The following PSMC4 variants were observed in gnomAD, a reference collection of about 807,000 sequenced individuals.
PSMC4 encodes proteasome 26S subunit, ATPase 4, also known as 26S proteasome regulatory subunit 6B.
A neutral mutation model predicts 48.4 loss-of-function variants in PSMC4; 13 were observed. The observed-to-expected ratio is 0.27, with a 90% CI of 0.18 to 0.43. The LOEUF (loss-of-function observed/expected upper bound fraction) is 0.43, where lower values mean the gene tolerates loss of function less well. PSMC4 is among the 20% of genes least tolerant of loss of function. The pLI, the probability that PSMC4 is intolerant of heterozygous loss-of-function variation, is 1.00. For synonymous variants in PSMC4, 202 were observed against 212.3 expected (o/e 0.95, Z 0.42); for missense variants, 262 against 555.9 (o/e 0.47, Z 5.32).
intron 6 of PSMC4, among the ~76,000 whole-genome samples, chr19:39,978,872 G>C (rs1188101216): frequency 6.6e-6 from 1 of 152,036 alleles, no homozygotes; most frequent in Admixed American, 6.6e-5. Flanking sequence ...TAAAAAGCTA[G>C]GTGTGGGGAC....
intron 6 of PSMC4, 195 bp from the exon 7 acceptor site, chr19:39,979,622 C>T (rs1268578607): frequency 2.4e-6 from 1 of 424,044 alleles, no homozygotes; most frequent in East Asian, 3.6e-5. Context: ...CACTGGGTCA[C>T]TGTGGGGTAC....
rs768646990 is a variant in PSMC4, at chr19:39,974,644, G to A, written c.579+11G>A. The A allele has an allele frequency of 2.5e-6, 4 of 1,613,596 alleles. No homozygotes were observed. Among genetic ancestry groups the A allele is most frequent in the African/African-American group, 2.7e-5 (2 of 75,044 alleles). The stretch of plus-strand genomic sequence containing the variant: ...GAGCTCTACAAGCAGGTGAGGCGGT[G>A]CAGGTGGCAGGGAAGGGAGAGGCCC... On this transcript the variant is annotated intron_variant, in intron 5 of 10. Transcript: ENST00000157812. This position sits in a 1 kb window ranked among gnomAD's most constrained non-coding sequence, Gnocchi z 5.5.
At chr19:39,972,683 A>G (rs1252131221) in intron 3 of PSMC4, 128 bp downstream of exon 3, 12 of 633,186 alleles carry the variant, frequency 1.9e-5, no homozygotes, top group Non-Finnish European at 3.2e-5. Context: ...ACTGATCGAA[A>G]GGTAGAAATA....
rs1971113974 is a variant in PSMC4, at chr19:39,972,292, T to G, written c.135+48T>G. ...ACCTTGCACAGGACCTGACATCTCATACTCTTCCCCACTTTCCACCACTCT... is the reference window on the plus strand; with the variant it reads ...ACCTTGCACAGGACCTGACATCTCAGACTCTTCCCCACTTTCCACCACTCT... On this transcript the variant is annotated intron_variant, in intron 2 of 10. Transcript: ENST00000157812. 3 of 1,610,314 alleles carry G rather than the reference T, an allele frequency of 1.9e-6. No homozygotes were observed. In the East Asian group the frequency reaches 6.7e-5, roughly 36 times the overall value.
intron 6 of PSMC4, 141 bp from the exon 7 acceptor site, chr19:39,979,676 T>G: frequency 1.2e-6 from 1 of 803,450 alleles, no homozygotes; most frequent in South Asian, 4.1e-5. Context: ...GGCTCACCCT[T>G]GGGCATGAGG....
At chr19:39,972,631 C>T in intron 3 of PSMC4, 76 bp downstream of exon 3, 5 of 1,363,566 alleles carry the variant, frequency 3.7e-6, no homozygotes, top group Non-Finnish European at 5.0e-6. Flanking sequence ...CAGCAGCAAA[C>T]AAGGCAGGGC....
Position 39,980,864 on chromosome 19 carries a change from T to C in PSMC4, c.1143+147T>C. The C allele has an allele frequency of 1.2e-6, 1 of 811,934 alleles. No homozygotes were observed. The highest frequency in any genetic ancestry group is 2.1e-5 in the Admixed American group (1 of 48,220). The allele number at this position is 811,934 out of a possible 1,614,324, so 50.3% of individuals were successfully genotyped here. Reference sequence around the variant, plus strand: ...TTCCTCTACCATCACTAGGGGTGGATAGTACAGGGGTAGTGTTTTTGTGTT... The same window carrying C: ...TTCCTCTACCATCACTAGGGGTGGACAGTACAGGGGTAGTGTTTTTGTGTT... On this transcript the variant is annotated intron_variant, in intron 10 of 10. Coordinates refer to ENST00000157812, the MANE Select transcript of PSMC4 (RefSeq NM_006503.4). The surrounding 1 kb of genome is among the most constrained non-coding windows in gnomAD (Gnocchi z 4.8).
rs1309890291 is a variant in PSMC4, at chr19:39,976,573, A to T, written c.673+1745A>T. 4.2e-5 allele frequency among the ~76,000 whole-genome samples: 6 copies of T among 143,492 alleles called. No individual in the cohort carries two copies. The Admixed American group carries it at 4.2e-4, about 10-fold the overall frequency. The allele number at this position is 143,492 out of a possible 152,430, so 94.1% of individuals were successfully genotyped here. On this transcript the variant is annotated intron_variant, in intron 6 of 10. Coordinates refer to ENST00000157812, the MANE Select transcript of PSMC4 (RefSeq NM_006503.4). ...ATCCAGGCTGGAGTGCAGTGGTGCG[A>T]TCTCGGCTTACTGCACGCTCTGCCT...
At chr19:39,972,017 A>G in intron 1 of PSMC4, 129 bp from the exon 2 acceptor site, 1 of 830,048 alleles carries the variant, frequency 1.2e-6, no homozygotes, top group Non-Finnish European at 2.0e-6. Flanking sequence ...GGGTCTTAAG[A>G]TATCAGGGGT....
At chr19:39,973,163 T>A (rs1233436815) in intron 3 of PSMC4, among the ~76,000 whole-genome samples, 1 of 152,216 alleles carries the variant, frequency 6.6e-6, no homozygotes, top group Non-Finnish European at 1.5e-5. Flanking sequence ...TATATGCTGA[T>A]GTTTTCTATC....
intron 3 of PSMC4, 73 bp downstream of exon 3, chr19:39,972,628 A>G: frequency 7.0e-7 from 1 of 1,424,484 alleles, no homozygotes; most frequent in Non-Finnish European, 9.5e-7. Context: ...AGGCAGCAGC[A>G]AACAAGGCAG....
At position 39,981,228 on chromosome 19, in the gene PSMC4, G is replaced by T; in HGVS notation, c.1180G>T (p.Val394Phe). Residue 394 changes from valine (V) to phenylalanine (F), a missense_variant, in exon 11 of 11, where the codon GTC becomes TTC. Physicochemically the swap from Val to Phe is conservative, Grantham distance 50. Transcript: ENST00000157812. ...GGCTGTCCGTGAAAACCGCTACATTGTCCTGGCCAAGGACTTCGAGAAAGC... is the reference window on the plus strand; with the variant it reads ...GGCTGTCCGTGAAAACCGCTACATTTTCCTGGCCAAGGACTTCGAGAAAGC... ...MLAVRENRYI[V>F]LAKDFEKAYK... 6.2e-7 allele frequency: 1 copy of T among 1,613,984 alleles called. No individual in the cohort carries two copies. The highest frequency in any genetic ancestry group is 8.5e-7 in the Non-Finnish European group (1 of 1,180,004).
rs1971273972 is a variant in PSMC4, at chr19:39,980,649, TA to T, written c.1088-11del. ...CCCATCACACAGGGAATAGTTTCCT[TA>T]ACTCGCTGCAGATGTGGCCCGGCCA... On this transcript the variant is annotated splice_polypyrimidine_tract_variant and intron_variant, in intron 9 of 10. Transcript: ENST00000157812. The surrounding 1 kb of genome is among the most constrained non-coding windows in gnomAD (Gnocchi z 4.8). The T allele has an allele frequency of 1.2e-6, 2 of 1,613,840 alleles. No homozygotes were observed. Among genetic ancestry groups the T allele is most frequent in the South Asian group, 2.2e-5 (2 of 91,056 alleles).
At position 39,981,504 on chromosome 19, in the gene PSMC4, G is replaced by A; in HGVS notation, c.*199G>A. 1 of 522,694 alleles carries A rather than the reference G, an allele frequency of 1.9e-6. No homozygotes were observed. The allele number at this position is 522,694 out of a possible 1,614,324, so 32.4% of individuals were successfully genotyped here. ...TGTGGGCCTTGAATAGGATCCTCTG[G>A]GTCCCTCTTAATCTGACAGATGAGC... On this transcript the variant is annotated 3_prime_UTR_variant, in exon 11 of 11. Transcript: ENST00000157812.
chr19:39,971,648 G>T (rs932385610), intron 1 of PSMC4, among the ~76,000 whole-genome samples: 4 of 152,176 alleles, frequency 2.6e-5, no homozygotes, highest in African/African-American at 9.7e-5. Context: ...GGGTAATGGG[G>T]CGGGTAGTTA....
In PSMC4 at chr19:39,980,568, G is replaced by A; in HGVS notation, c.1088-94G>A. 1.3e-6 allele frequency: 2 copies of A among 1,583,612 alleles called. No homozygotes were observed. Among genetic ancestry groups the A allele is most frequent in the Non-Finnish European group, 8.7e-7 (1 of 1,153,174 alleles). On this transcript the variant is annotated intron_variant, in intron 9 of 10. Coordinates refer to ENST00000157812, the MANE Select transcript of PSMC4 (RefSeq NM_006503.4). This position sits in a 1 kb window ranked among gnomAD's most constrained non-coding sequence, Gnocchi z 4.8. ...CTGTGCAGGTGGGACCAAGGTCCAGGGAGGAGGGGAGGTGACAGAGATGGC... is the reference window on the plus strand; with the variant it reads ...CTGTGCAGGTGGGACCAAGGTCCAGAGAGGAGGGGAGGTGACAGAGATGGC...
Position 39,972,185 on chromosome 19 carries a change from G to A in PSMC4, c.76G>A (p.Gly26Ser), listed in dbSNP as rs368678447. ...ACTGTCCGTGTCCCGGCCCCAGACC[G>A]GCCTGTCCTTCCTGGGCCCTGAGCC... ...PALSVSRPQT[G>S]LSFLGPEPED... The change falls in exon 2 of 11, where the codon GGC (glycine) becomes AGC (serine). Residue 26 changes from glycine (G) to serine (S), a missense_variant. Physicochemically the swap from Gly to Ser is moderately conservative, Grantham distance 56. Coordinates refer to ENST00000157812, the MANE Select transcript of PSMC4 (RefSeq NM_006503.4). 52 of 1,613,958 alleles carry A rather than the reference G, an allele frequency of 3.2e-5. No individual in the cohort carries two copies. The African/African-American group carries it at 4.8e-4, about 15-fold the overall frequency.
In PSMC4 at chr19:39,972,183, C is replaced by T. The variant is rs1971110700; in HGVS notation, c.74C>T (p.Thr25Ile). The T allele has an allele frequency of 2.5e-6, 4 of 1,614,052 alleles. No homozygotes were observed. The highest frequency in any genetic ancestry group is 3.3e-5 in the Admixed American group (2 of 59,998). Residue 25 changes from threonine to isoleucine, a missense_variant, in exon 2 of 11, where the codon ACC (threonine) becomes ATC (isoleucine). Physicochemically the swap from Thr to Ile is moderately conservative, Grantham distance 89. This residue lies in a region of PSMC4 where 33 missense variants were observed against 35.5 expected (regional missense o/e 0.93). Coordinates refer to ENST00000157812, the MANE Select transcript of PSMC4 (RefSeq NM_006503.4). ...GCACTGTCCGTGTCCCGGCCCCAGA[C>T]CGGCCTGTCCTTCCTGGGCCCTGAG... The part of the protein sequence containing the change: ...IPALSVSRPQ[T>I]GLSFLGPEPE...
intron 6 of PSMC4, among the ~76,000 whole-genome samples, chr19:39,975,237 C>G (rs988503650): frequency 6.6e-6 from 1 of 152,170 alleles, no homozygotes; most frequent in South Asian, 2.1e-4. Flanking sequence ...CAGATGTGCA[C>G]ACTCATGTAT....
Sources: allele counts gnomAD v4.1 joint callset (sites outside exome capture counted in the v4.1 genomes callset), GRCh38; gene constraint gnomAD v4.1.1; regional missense constraint gnomAD v4.1.1; non-coding constraint Gnocchi (gnomAD v3.1); transcripts MANE v1.5; gene names NCBI Gene and HGNC (gene_info 2026-07-23, HGNC 2026-07-21).